DHPS: variants seen among roughly 807,000 people sequenced by gnomAD.
DHPS encodes the protein migration-inducing gene 13.
DHPS carries 24 observed loss-of-function variants against 38.7 expected under a neutral mutation model. That is an observed-to-expected ratio of 0.62 (90% CI 0.45 to 0.87). The LOEUF (loss-of-function observed/expected upper bound fraction) is 0.87, where lower values mean the gene tolerates loss of function less well. Among genes scored for constraint, DHPS ranks in the 40% least tolerant of loss-of-function variants. The pLI is 0.00. For missense variants in DHPS, 510 were observed against 497.6 expected, an observed-to-expected ratio of 1.02 and a Z score of -0.24; for synonymous variants, 250 against 204.4, an observed-to-expected ratio of 1.22 and a Z score of -1.90.
Position 12,675,742 on chromosome 19 carries a change from T to C in DHPS, c.*96A>G. ...TGGAAGGACTTCAGATACCATCTTATTCTAGAGACGTAGCTGACCAAAAAG... is the reference window on the plus strand; with the variant it reads ...TGGAAGGACTTCAGATACCATCTTACTCTAGAGACGTAGCTGACCAAAAAG... On this transcript the variant is annotated 3_prime_UTR_variant, in exon 9 of 9. Coordinates refer to ENST00000210060, the MANE Select transcript of DHPS (RefSeq NM_001930.4). 6.3e-7 allele frequency: 1 copy of C among 1,578,248 alleles called. No individual in the cohort carries two copies. The highest frequency in any genetic ancestry group is 1.1e-5 in the South Asian group (1 of 88,406).
chr19:12,681,659 G>A lies in DHPS; in HGVS notation c.108C>T (p.Phe36=), dbSNP rs765141543. Residue 36 remains phenylalanine, a synonymous_variant, in exon 1 of 9, where the codon TTC becomes TTT. Coordinates refer to ENST00000210060, the MANE Select transcript of DHPS (RefSeq NM_001930.4). The part of the protein sequence containing the change: ...PESTQVRGYD[F]NRGVNYRALL... ...GTGCGCGGTAATTCACACCGCGGTTGAAGTCGTAGCCCCGGACCTGGGTGC... is the reference window on the plus strand; with the variant it reads ...GTGCGCGGTAATTCACACCGCGGTTAAAGTCGTAGCCCCGGACCTGGGTGC... 4 of 1,614,120 alleles carry A rather than the reference G, an allele frequency of 2.5e-6. No homozygotes were observed. Among genetic ancestry groups the A allele is most frequent in the East Asian group, 4.5e-5 (2 of 44,902 alleles).
intron 3 of DHPS, 25 bp from the exon 4 acceptor site, chr19:12,679,744 T>C (rs2024735590): frequency 6.2e-7 from 1 of 1,614,180 alleles, no homozygotes; most frequent in South Asian, 1.1e-5. Flanking sequence ...CATGTAGGCA[T>C]CAGGCCCCAG....
chr19:12,677,101 C>G lies in DHPS; in HGVS notation c.888+7G>C, dbSNP rs763848755. The G allele has an allele frequency of 3.3e-5, 54 of 1,613,820 alleles. 1 individual carries two copies. Among genetic ancestry groups the G allele is most frequent in the Non-Finnish European group, 3.6e-5 (42 of 1,179,726 alleles). On this transcript the variant is annotated splice_region_variant and intron_variant, in intron 7 of 8. Coordinates refer to ENST00000210060, the MANE Select transcript of DHPS (RefSeq NM_001930.4). ...GCAGAGTGGGCCGAAGCGCCACCCCCACTCACCATGAGGTTGGCATTGGCA... is the reference window on the plus strand; with the variant it reads ...GCAGAGTGGGCCGAAGCGCCACCCCGACTCACCATGAGGTTGGCATTGGCA...
chr19:12,674,354 T>C (rs1305959546), downstream of DHPS, among the ~76,000 whole-genome samples: 1 of 152,042 alleles, frequency 6.6e-6, no homozygotes, highest in Non-Finnish European at 1.5e-5. Context: ...CATCCTGGTG[T>C]AGTGGGGTCA....
chr19:12,673,158 C>G, downstream of DHPS: 1 of 1,609,998 alleles, frequency 6.2e-7, no homozygotes, highest in Non-Finnish European at 8.5e-7. Flanking sequence ...CCTCCTCTCC[C>G]ACCCCTGGAG....
intron 7 of DHPS, chr19:12,676,400 A>G (rs1029694371): frequency 6.4e-6 from 3 of 469,430 alleles, no homozygotes; most frequent in African/African-American, 5.9e-5. Context: ...GCTGCCAGCA[A>G]CTCTATCTTC....
At chr19:12,673,795 G>T (rs1176540957), downstream of DHPS, among the ~76,000 whole-genome samples, 2 of 152,004 alleles carry the variant, frequency 1.3e-5, no homozygotes, top group Non-Finnish European at 1.5e-5. Context: ...TCCCCCCAGG[G>T]TTCAGGTGAT....
At chr19:12,674,179 C>T (rs550839454), downstream of DHPS, among the ~76,000 whole-genome samples, 28 of 152,330 alleles carry the variant, frequency 1.8e-4, 1 homozygote, top group South Asian at 5.6e-3. Flanking sequence ...GGCACTGACC[C>T]CTGGGCAAGG....
intron 7 of DHPS, 102 bp from the exon 8 acceptor site, chr19:12,676,244 A>G: frequency 7.2e-7 from 1 of 1,387,192 alleles, no homozygotes; most frequent in South Asian, 1.4e-5. Context: ...TGTGTCCCAG[A>G]TGAAGGAAGC....
At chr19:12,677,708 T>C (rs994743959) in intron 5 of DHPS, among the ~76,000 whole-genome samples, 1 of 152,100 alleles carries the variant, frequency 6.6e-6, no homozygotes, top group Non-Finnish European at 1.5e-5. Flanking sequence ...CTATCTCAGC[T>C]CACTGCAACC....
At chr19:12,679,098 C>A (rs2024712138) in intron 5 of DHPS, among the ~76,000 whole-genome samples, 2 of 152,002 alleles carry the variant, frequency 1.3e-5, no homozygotes, top group Admixed American at 6.6e-5. Context: ...GAGTTCAAGA[C>A]CAGCCTGGGA....
At chr19:12,681,487 C>T (rs1269381763) in intron 1 of DHPS, 73 bp downstream of exon 1, 8 of 1,539,114 alleles carry the variant, frequency 5.2e-6, no homozygotes, top group African/African-American at 4.1e-5. Flanking sequence ...GGAAACGCTG[C>T]CCCCGTCTAG....
Position 12,679,714 on chromosome 19 carries a change from C to G in DHPS, c.500G>C (p.Gly167Ala). Reference sequence around the variant, plus strand: ...ATTCTCATTGGGCACCAGCAGGTTTCCGATCCTGAGAACAGGAGGCATGTA... The same window carrying G: ...ATTCTCATTGGGCACCAGCAGGTTTGCGATCCTGAGAACAGGAGGCATGTA... ...ELRENGINRI[G>A]NLLVPNENYC... The change falls in exon 4 of 9, where the codon GGA (glycine) becomes GCA (alanine). Residue 167 changes from glycine to alanine, a missense_variant. By Grantham distance (60) the Gly-to-Ala change is moderately conservative. Transcript: ENST00000210060. The G allele has an allele frequency of 1.2e-6, 2 of 1,614,200 alleles. No individual in the cohort carries two copies. Among genetic ancestry groups the G allele is most frequent in the Non-Finnish European group, 1.7e-6 (2 of 1,180,044 alleles).
intron 2 of DHPS, 102 bp downstream of exon 2, chr19:12,680,059 C>T (rs748437613): frequency 1.3e-6 from 2 of 1,555,026 alleles, no homozygotes; most frequent in South Asian, 1.2e-5. Context: ...TTCTATTCCT[C>T]TGCTTATAAC....
chr19:12,675,514 G>A (rs369299220), downstream of DHPS: 46 of 1,602,266 alleles, frequency 2.9e-5, 1 homozygote, highest in Non-Finnish European at 3.4e-5. Context: ...CCTACCCCTC[G>A]CTCCACAGGG....
At chr19:12,673,408 A>ATTT, downstream of DHPS, 3 of 266,018 alleles carry the variant, frequency 1.1e-5, no homozygotes, top group Non-Finnish European at 1.4e-5. Flanking sequence ...GAAGGCTAGG[A>ATTT]TCTTTTTTTT....
intron 7 of DHPS, chr19:12,676,853 A>G (rs79812186): frequency 0.012 from 6,382 of 513,906 alleles, 62 homozygotes; most frequent in Non-Finnish European, 0.015. Context: ...CCCAGCTCAC[A>G]CTTCCAGAAG....
downstream of DHPS, among the ~76,000 whole-genome samples, chr19:12,674,107 G>A (rs1046428534): frequency 4.6e-5 from 7 of 152,348 alleles, no homozygotes; most frequent in Admixed American, 4.6e-4. Context: ...AGGCTTCAGG[G>A]TGGCGGCAGG....
At chr19:12,681,051 C>T in intron 1 of DHPS, 1 of 1,070,348 alleles carries the variant, frequency 9.3e-7, no homozygotes. Context: ...CCAGGCTTGT[C>T]TCGAACTCCT....
Sources: allele counts gnomAD v4.1 joint callset (sites outside exome capture counted in the v4.1 genomes callset), GRCh38; gene constraint gnomAD v4.1.1; transcripts MANE v1.5; gene names NCBI Gene and HGNC (gene_info 2026-07-23, HGNC 2026-07-21).